The following GLUD1 variants were observed in gnomAD, a reference collection of about 807,000 sequenced individuals.
GLUD1 encodes glutamate dehydrogenase 1, also known as glutamate dehydrogenase 1, mitochondrial.
Under a neutral mutation model 56.0 loss-of-function variants are expected in GLUD1, and 22 were observed. That is an observed-to-expected ratio of 0.39 (90% CI 0.28 to 0.56). The LOEUF (loss-of-function observed/expected upper bound fraction) is 0.56. Among genes scored for constraint, GLUD1 ranks in the 20% least tolerant of loss-of-function variants. GLUD1 has a pLI of 0.58. For synonymous variants in GLUD1, 223 were observed against 269.9 expected (o/e 0.83, Z 1.70); for missense variants, 451 against 732.0 (o/e 0.62, Z 4.43).
At chr10:87,081,086 C>T (rs1841232267) in intron 1 of GLUD1, among the ~76,000 whole-genome samples, 1 of 148,024 alleles carries the variant, frequency 6.8e-6, no homozygotes, top group Non-Finnish European at 1.5e-5. Context: ...AGCCCCCCGC[C>T]CGGCCAGCCG....
intron 1 of GLUD1, among the ~76,000 whole-genome samples, chr10:87,084,756 C>T (rs1159607629): frequency 6.6e-6 from 1 of 152,148 alleles, no homozygotes; most frequent in South Asian, 2.1e-4. Context: ...AGAGTTCTAC[C>T]AGAAGCACAG....
At chr10:87,054,657 T>G (rs1265742585) in intron 11 of GLUD1, among the ~76,000 whole-genome samples, 3 of 152,278 alleles carry the variant, frequency 2.0e-5, no homozygotes, top group Non-Finnish European at 4.4e-5. Context: ...TATACAACTC[T>G]TCCAAGGAGG....
intron 4 of GLUD1, among the ~76,000 whole-genome samples, chr10:87,071,510 G>C (rs1846237847): frequency 6.6e-6 from 1 of 152,144 alleles, no homozygotes; most frequent in African/African-American, 2.4e-5. Context: ...CTTATATAGA[G>C]AACAGGTATG....
At chr10:87,075,442 CAG>C (rs1164027051) in intron 3 of GLUD1, among the ~76,000 whole-genome samples, 2 of 151,948 alleles carry the variant, frequency 1.3e-5, no homozygotes, top group Admixed American at 6.6e-5. Context: ...CCAAATGAAA[CAG>C]AAAATGATAA....
At chr10:87,053,555 G>C (rs942784363) in intron 11 of GLUD1, 151 bp from the exon 12 acceptor site, 47 of 689,602 alleles carry the variant, frequency 6.8e-5, no homozygotes, top group African/African-American at 6.7e-4. Context: ...CAGTATCAAA[G>C]ATACAGTATC....
chr10:87,064,884 G>C (rs151048962), intron 5 of GLUD1, among the ~76,000 whole-genome samples: 1 of 152,146 alleles, frequency 6.6e-6, no homozygotes, highest in Non-Finnish European at 1.5e-5. Flanking sequence ...CCCAGCATAC[G>C]TAATGGTCCT....
chr10:87,050,983 G>A lies in GLUD1; in HGVS notation c.*768C>T, dbSNP rs1463902969. On this transcript the variant is annotated 3_prime_UTR_variant, in exon 13 of 13. Transcript: ENST00000277865. ...AATTCTGACAGTTTTAATGAAAATA[G>A]CCTCCACCATTTTGCAGGTATGAAG... 6.5e-6 allele frequency: 1 copy of A among 153,104 alleles called. No homozygotes were observed. Among genetic ancestry groups the A allele is most frequent in the African/African-American group, 2.4e-5 (1 of 41,448 alleles). 9.5% of individuals were successfully genotyped at this position (153,104 alleles called of 1,614,324 possible).
At chr10:87,069,816 C>A (rs1191694091) in intron 4 of GLUD1, among the ~76,000 whole-genome samples, 3 of 151,764 alleles carry the variant, frequency 2.0e-5, no homozygotes, top group South Asian at 2.1e-4. Context: ...TGTCTTAGCA[C>A]CCTTCCCTTA....
intron 5 of GLUD1, among the ~76,000 whole-genome samples, chr10:87,065,825 AT>A (rs1443660639): frequency 2.6e-5 from 4 of 152,146 alleles, no homozygotes; most frequent in Non-Finnish European, 5.9e-5. Flanking sequence ...AGTAGGTACT[AT>A]TACTACTGTC....
Position 87,065,769 on chromosome 10 carries a change from T to C in GLUD1, c.741+2294A>G, listed in dbSNP as rs80171587. On this transcript the variant is annotated intron_variant, in intron 5 of 12. Transcript: ENST00000277865. The stretch of plus-strand genomic sequence containing the variant: ...ACTTACTAAGGGCTATGTACAGTTC[T>C]AGGTGCATTAGATTATTATTCATCT... Among the ~76,000 whole-genome samples the C allele has an allele frequency of 1.5e-3, 235 of 152,352 alleles. No homozygotes were observed. The East Asian group carries it at 0.043, about 28-fold the overall frequency.
intron 2 of GLUD1, 82 bp downstream of exon 2, chr10:87,076,494 T>A (rs1372715418): frequency 3.3e-4 from 295 of 881,616 alleles, no homozygotes; most frequent in Non-Finnish European, 2.0e-5. Flanking sequence ...AAGGTATATT[T>A]CTACAGCATC....
At chr10:87,056,523 G>A (rs933966022) in intron 11 of GLUD1, among the ~76,000 whole-genome samples, 1 of 152,132 alleles carries the variant, frequency 6.6e-6, no homozygotes, top group Non-Finnish European at 1.5e-5. Flanking sequence ...TTGAACTCCT[G>A]AACTCAGGTG....
intron 11 of GLUD1, among the ~76,000 whole-genome samples, chr10:87,056,896 A>G (rs1292863796): frequency 6.7e-6 from 1 of 149,766 alleles, no homozygotes; most frequent in African/African-American, 2.5e-5. Flanking sequence ...CCCCAGGCTT[A>G]TGTGTTATGG....
At chr10:87,079,791 C>A (rs1345307730) in intron 1 of GLUD1, among the ~76,000 whole-genome samples, 1 of 152,156 alleles carries the variant, frequency 6.6e-6, no homozygotes, top group Non-Finnish European at 1.5e-5. Flanking sequence ...TCTAAACTGA[C>A]AGGAGTTTGA....
chr10:87,082,886 C>T (rs1200040881), intron 1 of GLUD1, among the ~76,000 whole-genome samples: 2 of 152,164 alleles, frequency 1.3e-5, no homozygotes, highest in Non-Finnish European at 1.5e-5. Flanking sequence ...CCAAAGATAA[C>T]TATCAAAAAT....
rs575268473 is a variant in GLUD1, at chr10:87,091,963, T to C, written c.445+2362A>G. Among the ~76,000 whole-genome samples the C allele has an allele frequency of 2.1e-3, 324 of 152,224 alleles. 1 individual carries two copies. Among genetic ancestry groups the C allele is most frequent in the African/African-American group, 5.9e-3 (245 of 41,530 alleles). On this transcript the variant is annotated intron_variant, in intron 1 of 12. Transcript: ENST00000277865. ...TTTAAGAGGGAAAGACAGAATTTCA[T>C]AGGGATTATCCAAAGCATTTAAAAA... is the stretch of plus-strand genomic sequence containing the variant.
rs1845864396 is a variant in GLUD1 at position 87,059,111 on chromosome 10, A to T, written c.1402+39T>A. 3.1e-6 allele frequency: 5 copies of T among 1,611,412 alleles called. No individual in the cohort carries two copies. In the African/African-American group the frequency reaches 5.3e-5, roughly 17 times the overall value. On this transcript the variant is annotated intron_variant, in intron 10 of 12. Transcript: ENST00000277865. ...CTTTTTACAGCCTTTCAGCTGGCTC[A>T]AAAGATGAGTTTTGGCGAACAAGAT... is the stretch of plus-strand genomic sequence containing the variant.
chr10:87,089,924 C>T (rs1054133513), intron 1 of GLUD1: 4 of 155,462 alleles, frequency 2.6e-5, no homozygotes, highest in Non-Finnish European at 4.2e-5. Flanking sequence ...TTGTAACTTT[C>T]GTTACTATTT....
chr10:87,077,956 T>C (rs1846447287), intron 1 of GLUD1, among the ~76,000 whole-genome samples: 1 of 152,184 alleles, frequency 6.6e-6, no homozygotes, highest in African/African-American at 2.4e-5. Flanking sequence ...GTTTTTCAGA[T>C]AGAAAATATA....
Sources: allele counts gnomAD v4.1 joint callset (sites outside exome capture counted in the v4.1 genomes callset), GRCh38; gene constraint gnomAD v4.1.1; transcripts MANE v1.5; gene names NCBI Gene and HGNC (gene_info 2026-07-23, HGNC 2026-07-21).